NCKAP5L: variants seen among roughly 807,000 people sequenced by gnomAD.
The protein encoded by NCKAP5L is NCK associated protein 5 like.
NCKAP5L carries 54 observed loss-of-function variants against 103.2 expected under a neutral mutation model. That is an observed-to-expected ratio of 0.52 (90% CI 0.42 to 0.66). The LOEUF (loss-of-function observed/expected upper bound fraction) is 0.66, where lower values mean the gene tolerates loss of function less well. Ranked by LOEUF, NCKAP5L falls within the 30% of genes least tolerant of loss-of-function variation. NCKAP5L has a pLI of 0.00. For missense variants in NCKAP5L, 1,733 were observed against 1,750.6 expected, an observed-to-expected ratio of 0.99 and a Z score of 0.18; for synonymous variants, 762 against 748.6, an observed-to-expected ratio of 1.02 and a Z score of -0.29.
chr12:49,792,259 C>T lies in NCKAP5L; in HGVS notation c.3792+187G>A. 2 of 1,264,960 alleles carry T rather than the reference C, an allele frequency of 1.6e-6. No homozygotes were observed. Among genetic ancestry groups the T allele is most frequent in the Non-Finnish European group, 2.2e-6 (2 of 899,844 alleles). 78.4% of individuals were successfully genotyped at this position (1,264,960 alleles called of 1,614,324 possible). On this transcript the variant is annotated intron_variant, in intron 12 of 12. Transcript: ENST00000335999. This position sits in a 1 kb window ranked among gnomAD's most constrained non-coding sequence, Gnocchi z 4.5. Reference sequence around the variant, plus strand: ...CTGGGGAGGGACAGAAACCTTTCCCCACGAGAGAAGTGCAAGGAGGGCAGT... The same window carrying T: ...CTGGGGAGGGACAGAAACCTTTCCCTACGAGAGAAGTGCAAGGAGGGCAGT...
At chr12:49,816,675 G>A (rs765778982) in intron 1 of NCKAP5L, among the ~76,000 whole-genome samples, 1 of 151,762 alleles carries the variant, frequency 6.6e-6, no homozygotes. Flanking sequence ...GCACGCGCCT[G>A]TGATCCAGCT....
chr12:49,801,766 C>T (rs1051667570), intron 6 of NCKAP5L, 82 bp downstream of exon 6: 53 of 1,547,176 alleles, frequency 3.4e-5, no homozygotes, highest in Non-Finnish European at 4.3e-5. Flanking sequence ...CCTAGGGGCA[C>T]GTGAGAAGAC....
intron 8 of NCKAP5L, 120 bp downstream of exon 8, chr12:49,794,645 G>A (rs1485333645): frequency 8.3e-6 from 6 of 721,826 alleles, no homozygotes; most frequent in African/African-American, 2.0e-5. Context: ...TATCCCTTTT[G>A]ACCTCTGGGA....
At chr12:49,810,870 C>T (rs1265831020) in intron 1 of NCKAP5L, among the ~76,000 whole-genome samples, 1 of 152,146 alleles carries the variant, frequency 6.6e-6, no homozygotes, top group Non-Finnish European at 1.5e-5. Flanking sequence ...AAAAGCTCTT[C>T]GGGGTCCTCA....
Position 49,794,890 on chromosome 12 carries a change from G to A in NCKAP5L, c.2970C>T (p.Ser990=). ...RALEEEKAYL[S]SRARPRPGGP... ...CACCAGGCCGTGGCCGGGCCCGGCT[G>A]CTTAGGTAGGCCTTCTCCTCTTCCA... The change falls in exon 8 of 13, where the codon AGC becomes AGT. Residue 990 remains serine, a synonymous_variant. Coordinates refer to ENST00000335999, the MANE Select transcript of NCKAP5L (RefSeq NM_001037806.4). 1 of 1,512,398 alleles carries A rather than the reference G, an allele frequency of 6.6e-7. No individual in the cohort carries two copies. The allele number at this position is 1,512,398 out of a possible 1,614,324, so 93.7% of individuals were successfully genotyped here.
chr12:49,799,128 C>T (rs1343211950), intron 6 of NCKAP5L, among the ~76,000 whole-genome samples: 1 of 152,136 alleles, frequency 6.6e-6, no homozygotes, highest in Non-Finnish European at 1.5e-5. Context: ...GGCCCCCTGC[C>T]CCACAACCTA....
rs1482656856 is a variant in NCKAP5L at position 49,802,972 on chromosome 12, A to G, written c.217T>C (p.Leu73=). The change falls in exon 5 of 13, where the codon TTG becomes CTG. Residue 73 remains leucine, a synonymous_variant. Transcript: ENST00000335999. ...GGGTTACTCACCTTCTGGTTCAGCA[A>G]CGCCTGTACCACATGGTTGGCAACC... The part of the protein sequence containing the change: ...DEVANHVVQA[L]LNQKDLREEC... 1.9e-6 allele frequency: 3 copies of G among 1,614,126 alleles called. No homozygotes were observed. The South Asian group carries it at 3.3e-5, about 18-fold the overall frequency.
In NCKAP5L at chr12:49,803,941, T is replaced by C; in HGVS notation, c.104A>G (p.His35Arg). 6.2e-7 allele frequency: 1 copy of C among 1,609,856 alleles called. No individual in the cohort carries two copies. The highest frequency in any genetic ancestry group is 8.5e-7 in the Non-Finnish European group (1 of 1,179,934). Residue 35 changes from histidine to arginine, a missense_variant, in exon 3 of 13, where the codon CAC becomes CGC. Transcript: ENST00000335999. ...MEPGTCQELLHRLRELEAENS... is the reference protein window; with the variant it reads ...MEPGTCQELLRRLRELEAENS... ...CCGCACCTCCAGCTCCCGCAGTCGGTGCAGAAGCTCCTGGCAGGTGCCTGG... is the reference window on the plus strand; with the variant it reads ...CCGCACCTCCAGCTCCCGCAGTCGGCGCAGAAGCTCCTGGCAGGTGCCTGG...
intron 1 of NCKAP5L, among the ~76,000 whole-genome samples, chr12:49,821,072 C>A (rs755399737): frequency 6.6e-6 from 1 of 152,102 alleles, no homozygotes; most frequent in Non-Finnish European, 1.5e-5. Flanking sequence ...CTCGGCAGGG[C>A]CTTCAGGGAT....
At chr12:49,804,962 G>A (rs1946163553) in intron 2 of NCKAP5L, 1 of 152,318 alleles carries the variant, frequency 6.6e-6, no homozygotes, top group Non-Finnish European at 1.5e-5. Context: ...CCTGGACAAA[G>A]TGGGAAGTGC....
At chr12:49,802,127 C>G in intron 5 of NCKAP5L, 160 bp from the exon 6 acceptor site, 1 of 763,420 alleles carries the variant, frequency 1.3e-6, no homozygotes, top group South Asian at 1.9e-5. Context: ...CTAAGCCTGC[C>G]GATGTTGGTA....
rs1592752483 is a variant in NCKAP5L at position 49,802,069 on chromosome 12, G to A, written c.232-102C>T. 2.8e-6 allele frequency: 4 copies of A among 1,431,806 alleles called. No homozygotes were observed. The East Asian group carries it at 9.6e-5, about 34-fold the overall frequency. The allele number at this position is 1,431,806 out of a possible 1,614,324, so 88.7% of individuals were successfully genotyped here. ...AGCGGCATCTGTCTGGAGGCCCCAG[G>A]ACCCTTCTGGGCACACACTTCCGCT... On this transcript the variant is annotated intron_variant, in intron 5 of 12. Transcript: ENST00000335999.
At chr12:49,814,376 C>T (rs1223819412) in intron 1 of NCKAP5L, among the ~76,000 whole-genome samples, 6 of 149,470 alleles carry the variant, frequency 4.0e-5, no homozygotes, top group South Asian at 2.1e-4. Context: ...CCCAGCTATT[C>T]GGGAGGCTGA....
At chr12:49,819,031 TAAA>T (rs528968275) in intron 1 of NCKAP5L, among the ~76,000 whole-genome samples, 11 of 122,362 alleles carry the variant, frequency 9.0e-5, no homozygotes, top group South Asian at 2.7e-4. Context: ...ACCTTGTATT[TAAA>T]AAAAAAAAAA....
rs749491498 is a variant in NCKAP5L at position 49,795,280 on chromosome 12, G to A, written c.2580C>T (p.Ser860=). 3.9e-6 allele frequency: 6 copies of A among 1,533,442 alleles called. No individual in the cohort carries two copies. In the African/African-American group the frequency reaches 8.3e-5, roughly 21 times the overall value. 95.0% of individuals were successfully genotyped at this position (1,533,442 alleles called of 1,614,324 possible). A position where few individuals can be genotyped will look rare whatever the true frequency, so the allele number is the denominator to read the frequency against. ...WADCGSTTAQ[S]TPLVPGPTDP... is the part of the protein sequence containing the mutation. ...CAGTGGGGCCAGGTACTAGGGGTGT[G>A]GACTGGGCCGTGGTACTACCACAGT... Residue 860 remains serine, a synonymous_variant, in exon 8 of 13, where the codon TCC becomes TCT. Transcript: ENST00000335999.
At chr12:49,815,243 T>A (rs557762310) in intron 1 of NCKAP5L, among the ~76,000 whole-genome samples, 77 of 152,364 alleles carry the variant, frequency 5.1e-4, no homozygotes, top group Non-Finnish European at 9.7e-4. Flanking sequence ...TTTACCAAAA[T>A]CAGTGGATCT....
At chr12:49,802,790 T>C (rs1946134336) in intron 5 of NCKAP5L, 168 bp downstream of exon 5, 1 of 707,996 alleles carries the variant, frequency 1.4e-6, no homozygotes, top group Non-Finnish European at 2.3e-6. Flanking sequence ...GACCTGGCCT[T>C]ACCTAGTCCC....
chr12:49,793,255 A>G (rs1481329007), intron 10 of NCKAP5L, 97 bp downstream of exon 10: 2 of 1,254,516 alleles, frequency 1.6e-6, no homozygotes, highest in Non-Finnish European at 2.3e-6. Flanking sequence ...TGGCACACAG[A>G]GCCTGGCACC....
chr12:49,823,126 C>T (rs1392212165), intron 1 of NCKAP5L, among the ~76,000 whole-genome samples: 1 of 152,144 alleles, frequency 6.6e-6, no homozygotes. Flanking sequence ...GTGGTGTGAG[C>T]ATGGTAACAC....
Sources: gnomAD v4.1 joint callset for allele counts (sites outside exome capture counted in the v4.1 genomes callset) on GRCh38, gnomAD v4.1.1 for gene constraint, Gnocchi (gnomAD v3.1) non-coding constraint, MANE v1.5 for transcripts, NCBI Gene and HGNC (gene_info 2026-07-23, HGNC 2026-07-21) for gene names.